The following FASTKD2 variants were observed in gnomAD, a reference collection of about 807,000 sequenced individuals.
The protein encoded by FASTKD2 is FAST kinase domain-containing protein 2, mitochondrial.
Under a neutral mutation model 63.6 loss-of-function variants are expected in FASTKD2, and 51 were observed. The observed-to-expected ratio is 0.80, with a 90% CI of 0.64 to 1.01. The LOEUF is 1.01. Among genes scored for constraint, FASTKD2 ranks in the 50% least tolerant of loss-of-function variants. FASTKD2 has a pLI of 0.00. For synonymous variants in FASTKD2, 284 were observed against 293.4 expected (o/e 0.97, Z 0.33); for missense variants, 786 against 831.1 (o/e 0.95, Z 0.67).
intron 7 of FASTKD2, among the ~76,000 whole-genome samples, chr2:206,784,751 T>C (rs1259398550): frequency 6.6e-6 from 1 of 152,214 alleles, no homozygotes; most frequent in Admixed American, 6.5e-5. Context: ...CGTTTTCCAA[T>C]GACAAGCTCG....
chr2:206,767,858 CA>C (rs1403721343), intron 2 of FASTKD2, among the ~76,000 whole-genome samples: 1 of 152,168 alleles, frequency 6.6e-6, no homozygotes, highest in African/African-American at 2.4e-5. Context: ...AACTGATGAG[CA>C]GAATGATAGT....
In FASTKD2 at chr2:206,795,592, T is replaced by G. The variant is rs1029415181; in HGVS notation, c.*3790T>G. Among the ~76,000 whole-genome samples, 5 of 152,150 alleles carry G rather than the reference T, an allele frequency of 3.3e-5. No homozygotes were observed. Among genetic ancestry groups the G allele is most frequent in the African/African-American group, 1.2e-4 (5 of 41,420 alleles). On this transcript the variant is annotated 3_prime_UTR_variant, in exon 12 of 12. Transcript: ENST00000402774. ...TTTGTGCACACAGGTGTGCCGTGACTCACTGGTGGATCCAAAAAAAGCTGA... is the reference window on the plus strand; with the variant it reads ...TTTGTGCACACAGGTGTGCCGTGACGCACTGGTGGATCCAAAAAAAGCTGA...
In FASTKD2 at chr2:206,791,996, G is replaced by T; in HGVS notation, c.*194G>T. The T allele has an allele frequency of 3.4e-6, 2 of 594,084 alleles. No homozygotes were observed. Among genetic ancestry groups the T allele is most frequent in the Non-Finnish European group, 5.9e-6 (2 of 337,964 alleles). The allele number at this position is 594,084 out of a possible 1,614,324, so 36.8% of individuals were successfully genotyped here. Reference sequence around the variant, plus strand: ...AAAATATGCTGAGAAAATTCCAGAAGGGTTATTTTTCCAACCACACCTATT... The same window carrying T: ...AAAATATGCTGAGAAAATTCCAGAATGGTTATTTTTCCAACCACACCTATT... On this transcript the variant is annotated 3_prime_UTR_variant, in exon 12 of 12. Transcript: ENST00000402774.
chr2:206,774,530 T>G, intron 7 of FASTKD2, 133 bp downstream of exon 7: 1 of 655,452 alleles, frequency 1.5e-6, no homozygotes, highest in Non-Finnish European at 2.6e-6. Context: ...TAAAACATAG[T>G]GTTCCTTACT....
chr2:206,794,123 T>TAC lies in FASTKD2; in HGVS notation c.*2335_*2336dup, dbSNP rs10655467. On this transcript the variant is annotated 3_prime_UTR_variant, in exon 12 of 12. Transcript: ENST00000402774. Reference sequence around the variant, plus strand: ...ACCGTTAGGTCAGTTTTGACGTACATACACACACACACACATCTGTGAAAC... The same window carrying TAC: ...ACCGTTAGGTCAGTTTTGACGTACATACACACACACACACACATCTGTGAAAC... Among the ~76,000 whole-genome samples, 19,859 of 151,470 alleles carry TAC rather than the reference T, an allele frequency of 0.13. 2,021 individuals are homozygous for TAC. Among genetic ancestry groups the TAC allele is most frequent in the African/African-American group, 0.29 (11,845 of 41,330 alleles).
At chr2:206,766,350 A>G (rs1689470241) in intron 1 of FASTKD2, among the ~76,000 whole-genome samples, 1 of 151,824 alleles carries the variant, frequency 6.6e-6, no homozygotes, top group Admixed American at 6.6e-5. Flanking sequence ...GGACATTTCC[A>G]TAACAATGCC....
rs1170272197 is a variant in FASTKD2 at position 206,792,366 on chromosome 2, G to A, written c.*564G>A. ...AGAGATATTTCATGGGTTATAATAAGAGAAACACAGATGAGATGTAGATGG... is the reference window on the plus strand; with the variant it reads ...AGAGATATTTCATGGGTTATAATAAAAGAAACACAGATGAGATGTAGATGG... On this transcript the variant is annotated 3_prime_UTR_variant, in exon 12 of 12. Transcript: ENST00000402774. 6.4e-6 allele frequency: 1 copy of A among 155,990 alleles called. No individual in the cohort carries two copies. Among genetic ancestry groups the A allele is most frequent in the Non-Finnish European group, 1.4e-5 (1 of 70,416 alleles). 9.7% of individuals were successfully genotyped at this position (155,990 alleles called of 1,614,324 possible). A position where few individuals can be genotyped will look rare whatever the true frequency, so the allele number is the denominator to read the frequency against.
chr2:206,786,346 C>G (rs960537808), intron 7 of FASTKD2, among the ~76,000 whole-genome samples: 2 of 152,164 alleles, frequency 1.3e-5, no homozygotes, highest in African/African-American at 2.4e-5. Context: ...GAAAATCTAG[C>G]ATAATTATGA....
At chr2:206,782,181 ACT>A (rs1467253912) in intron 7 of FASTKD2, among the ~76,000 whole-genome samples, 16 of 151,254 alleles carry the variant, frequency 1.1e-4, no homozygotes, top group Admixed American at 9.9e-4. Flanking sequence ...TGCACACTCT[ACT>A]CTCTCCCTCC....
At chr2:206,788,714 A>G (rs1372109464) in intron 9 of FASTKD2, 105 bp from the exon 10 acceptor site, 2 of 663,878 alleles carry the variant, frequency 3.0e-6, no homozygotes, top group African/African-American at 3.9e-5. Flanking sequence ...CCTGGATGAC[A>G]GAGCGAGACC....
At chr2:206,779,723 A>G (rs1487768684) in intron 7 of FASTKD2, among the ~76,000 whole-genome samples, 1 of 152,246 alleles carries the variant, frequency 6.6e-6, no homozygotes, top group Non-Finnish European at 1.5e-5. Flanking sequence ...AAACCATATC[A>G]GGGAGTTTAA....
Position 206,792,966 on chromosome 2 carries a change from T to C in FASTKD2, c.*1164T>C, listed in dbSNP as rs1205357336. Among the ~76,000 whole-genome samples the C allele has an allele frequency of 1.3e-5, 2 of 152,140 alleles. No homozygotes were observed. Among genetic ancestry groups the C allele is most frequent in the East Asian group, 3.8e-4 (2 of 5,196 alleles). The stretch of plus-strand genomic sequence containing the variant: ...TGGGCTGGGCACGGTGGCTCGTGCT[T>C]GTCATCCCAGCACTTGGGAGGCCGA... On this transcript the variant is annotated 3_prime_UTR_variant, in exon 12 of 12. Coordinates refer to ENST00000402774, the MANE Select transcript of FASTKD2 (RefSeq NM_001136193.2).
At position 206,771,927 on chromosome 2, in the gene FASTKD2, GT is replaced by G; in HGVS notation, c.1028del (p.Leu343Ter). 3 of 1,610,018 alleles carry G rather than the reference GT, an allele frequency of 1.9e-6. No individual in the cohort carries two copies. Among genetic ancestry groups the G allele is most frequent in the Non-Finnish European group, 2.6e-6 (3 of 1,176,294 alleles). ...CTTGAGGGAATTAGACAGATTTTCT[GT>G]TTTGAATAGCCAACACATGTTTGAA... ...KALRELDRFS[V>X]LNSQHMFEVL... On this transcript the variant is annotated frameshift_variant, in exon 5 of 12. Coordinates refer to ENST00000402774, the MANE Select transcript of FASTKD2 (RefSeq NM_001136193.2). LOFTEE classifies it high-confidence loss of function.
At chr2:206,774,670 G>A (rs1315306962) in intron 7 of FASTKD2, among the ~76,000 whole-genome samples, 2 of 151,846 alleles carry the variant, frequency 1.3e-5, no homozygotes, top group African/African-American at 4.8e-5. Flanking sequence ...GCTTATCCTC[G>A]TAGCTCCTAA....
Position 206,767,154 on chromosome 2 carries a change from T to C in FASTKD2, c.461T>C (p.Ile154Thr), listed in dbSNP as rs763005940. 90 of 1,614,078 alleles carry C rather than the reference T, an allele frequency of 5.6e-5. 2 individuals carry two copies. The South Asian group carries it at 9.7e-4, about 17-fold the overall frequency. Residue 154 changes from isoleucine (I) to threonine (T), a missense_variant, in exon 2 of 12, where the codon ATC becomes ACC. Transcript: ENST00000402774. Reference sequence around the variant, plus strand: ...ACCAAGGAAACAAAACCAAACCGTATCAGCAGTAGAAAACTGTCTGAGGAA... The same window carrying C: ...ACCAAGGAAACAAAACCAAACCGTACCAGCAGTAGAAAACTGTCTGAGGAA... ...VLTKETKPNR[I>T]SSRKLSEECN...
At chr2:206,775,458 T>C (rs1689798246) in intron 7 of FASTKD2, among the ~76,000 whole-genome samples, 1 of 152,172 alleles carries the variant, frequency 6.6e-6, no homozygotes, top group South Asian at 2.1e-4. Flanking sequence ...TAAATCCTGC[T>C]TGGTCATAAT....
Position 206,791,753 on chromosome 2 carries a change from C to CA in FASTKD2, c.2085dup (p.Val696SerfsTer18). The stretch of plus-strand genomic sequence containing the variant: ...ACATTTTTGAAGACTAAAATCTATT[C>CA]AGTAGAAGCTCTTCCTGTTGCTGCT... On this transcript the variant is annotated frameshift_variant, in exon 12 of 12. Coordinates refer to ENST00000402774, the MANE Select transcript of FASTKD2 (RefSeq NM_001136193.2). LOFTEE classifies it low-confidence loss of function (END_TRUNC). The CA allele has an allele frequency of 1.2e-6, 2 of 1,612,482 alleles. No individual in the cohort carries two copies. The highest frequency in any genetic ancestry group is 1.7e-6 in the Non-Finnish European group (2 of 1,178,870).
At position 206,794,817 on chromosome 2, in the gene FASTKD2, T is replaced by C. The variant is rs552614423; in HGVS notation, c.*3015T>C. 2.6e-5 allele frequency among the ~76,000 whole-genome samples: 4 copies of C among 152,362 alleles called. No homozygotes were observed. The South Asian group carries it at 8.3e-4, about 32-fold the overall frequency. ...AACAATGACATTCCAATTTATAGAA[T>C]GTCATGTGTTGTGAGGGTAGTCACC... On this transcript the variant is annotated 3_prime_UTR_variant, in exon 12 of 12. Coordinates refer to ENST00000402774, the MANE Select transcript of FASTKD2 (RefSeq NM_001136193.2).
rs753789521 is a variant in FASTKD2 at position 206,794,074 on chromosome 2, G to A, written c.*2272G>A. Reference sequence around the variant, plus strand: ...TTTATTATAGTATAATTGACATACAGTAAACTGCATATATTTAAAGTGTAC... The same window carrying A: ...TTTATTATAGTATAATTGACATACAATAAACTGCATATATTTAAAGTGTAC... On this transcript the variant is annotated 3_prime_UTR_variant, in exon 12 of 12. Transcript: ENST00000402774. Among the ~76,000 whole-genome samples the A allele has an allele frequency of 2.0e-5, 3 of 152,110 alleles. No homozygotes were observed. Among genetic ancestry groups the A allele is most frequent in the Non-Finnish European group, 2.9e-5 (2 of 68,024 alleles).
Sources: gnomAD v4.1 joint callset for allele counts (sites outside exome capture counted in the v4.1 genomes callset) on GRCh38, gnomAD v4.1.1 for gene constraint, MANE v1.5 for transcripts, NCBI Gene and HGNC (gene_info 2026-07-23, HGNC 2026-07-21) for gene names.